Variants in LRRC4C observed in about 807,000 individuals in gnomAD.
LRRC4C encodes leucine-rich repeat-containing protein 4C.
LRRC4C carries 5 observed loss-of-function variants against 33.6 expected under a neutral mutation model. That is an observed-to-expected ratio of 0.15 (90% confidence interval 0.08 to 0.31). The LOEUF (loss-of-function observed/expected upper bound fraction) is 0.31. Among genes scored for constraint, LRRC4C ranks in the 10% least tolerant of loss-of-function variants. The pLI is 1.00. For missense variants in LRRC4C, 560 were observed against 796.7 expected (o/e 0.70, Z 3.58); for synonymous variants, 329 against 302.0 (o/e 1.09, Z -0.93).
intron 2 of LRRC4C, among the ~76,000 whole-genome samples, chr11:40,653,308 G>T (rs1413205591): frequency 6.6e-6 from 1 of 152,182 alleles, no homozygotes; most frequent in Non-Finnish European, 1.5e-5. Flanking sequence ...CTAGACACTT[G>T]TTGAATGACT....
At chr11:41,249,327 C>T (rs1160025761) in intron 1 of LRRC4C, among the ~76,000 whole-genome samples, 1 of 152,150 alleles carries the variant, frequency 6.6e-6, no homozygotes, top group East Asian at 1.9e-4. Context: ...AGCCACCGCG[C>T]CCGGCCAAGA....
intron 1 of LRRC4C, among the ~76,000 whole-genome samples, chr11:41,104,306 G>C (rs1360339779): frequency 2.0e-5 from 3 of 151,802 alleles, no homozygotes; most frequent in East Asian, 1.9e-4. Context: ...CAACAGATTT[G>C]AATATGTATT....
intron 3 of LRRC4C, among the ~76,000 whole-genome samples, chr11:40,588,413 C>G (rs1417286223): frequency 1.3e-5 from 2 of 151,730 alleles, no homozygotes; most frequent in African/African-American, 2.4e-5. Context: ...TTTGTTGATC[C>G]TTTCAAAAAA....
At chr11:41,364,535 C>CA (rs1952467073) in intron 1 of LRRC4C, among the ~76,000 whole-genome samples, 1 of 152,096 alleles carries the variant, frequency 6.6e-6, no homozygotes, top group Non-Finnish European at 1.5e-5. Context: ...CTGGGCCTCC[C>CA]AAAGTGCGAG....
chr11:41,033,629 G>C (rs1236160344), intron 1 of LRRC4C, among the ~76,000 whole-genome samples: 2 of 152,004 alleles, frequency 1.3e-5, no homozygotes, highest in Non-Finnish European at 2.9e-5. Flanking sequence ...CCAATCTGGA[G>C]GCACTTTTGT....
At chr11:40,294,554 C>T (rs368523746) in intron 4 of LRRC4C, among the ~76,000 whole-genome samples, 2 of 152,084 alleles carry the variant, frequency 1.3e-5, no homozygotes, top group Non-Finnish European at 2.9e-5. Context: ...CTTAGCCGGG[C>T]GCGGTGTCTC....
At chr11:40,124,911 T>G (rs929177288) in intron 6 of LRRC4C, among the ~76,000 whole-genome samples, 2 of 152,062 alleles carry the variant, frequency 1.3e-5, no homozygotes, top group African/African-American at 4.8e-5. Flanking sequence ...GTATCTTATG[T>G]ATCCCATAAA....
At chr11:40,381,033 C>A (rs774103477) in intron 3 of LRRC4C, among the ~76,000 whole-genome samples, 8 of 152,146 alleles carry the variant, frequency 5.3e-5, no homozygotes, top group Non-Finnish European at 1.2e-4. Context: ...GTTTCCCTAA[C>A]AACCGCTCAA....
chr11:40,550,339 C>T (rs1278425224), intron 3 of LRRC4C, among the ~76,000 whole-genome samples: 1 of 152,020 alleles, frequency 6.6e-6, no homozygotes, highest in Non-Finnish European at 1.5e-5. Context: ...TGTGTCCTGC[C>T]CCAGAACATT....
At chr11:40,382,683 C>CTTTTTTTTTTTTTTTTTTT (rs1590541837) in intron 3 of LRRC4C, among the ~76,000 whole-genome samples, 2 of 113,300 alleles carry the variant, frequency 1.8e-5, no homozygotes, top group African/African-American at 7.5e-5. Flanking sequence ...AACTTGTACT[C>CTTTTTTTTTTTTTTTTTTT]ATTTTTTTTT....
At chr11:40,976,577 A>T (rs889683178) in intron 1 of LRRC4C, among the ~76,000 whole-genome samples, 1 of 152,214 alleles carries the variant, frequency 6.6e-6, no homozygotes, top group African/African-American at 2.4e-5. Flanking sequence ...AACTAGTGAG[A>T]CCAAAAATAC....
chr11:40,644,223 T>C (rs759515587), intron 3 of LRRC4C, among the ~76,000 whole-genome samples: 2 of 152,170 alleles, frequency 1.3e-5, no homozygotes, highest in Non-Finnish European at 2.9e-5. Flanking sequence ...TGGAAACTAA[T>C]AGCATGGCCG....
chr11:41,249,039 CTTT>C (rs1454339736), intron 1 of LRRC4C, among the ~76,000 whole-genome samples: 1 of 145,026 alleles, frequency 6.9e-6, no homozygotes, highest in Non-Finnish European at 1.5e-5. Flanking sequence ...ATACTGTCTT[CTTT>C]TTTTTTTTTT....
intron 2 of LRRC4C, among the ~76,000 whole-genome samples, chr11:40,663,096 T>A (rs1249699660): frequency 6.6e-6 from 1 of 152,198 alleles, no homozygotes; most frequent in Non-Finnish European, 1.5e-5. Flanking sequence ...TTTATTTATT[T>A]TTGAGACGGA....
intron 1 of LRRC4C, among the ~76,000 whole-genome samples, chr11:40,967,057 A>T (rs181597263): frequency 1.3e-5 from 2 of 152,072 alleles, no homozygotes; most frequent in African/African-American, 4.8e-5. Flanking sequence ...ACATTCAGAC[A>T]TGAAAATAAA....
chr11:41,120,844 G>A (rs539097032), intron 1 of LRRC4C, among the ~76,000 whole-genome samples: 1 of 152,248 alleles, frequency 6.6e-6, no homozygotes, highest in South Asian at 2.1e-4. Flanking sequence ...TATTGACAGT[G>A]AGTGAGTTAT....
intron 3 of LRRC4C, among the ~76,000 whole-genome samples, chr11:40,622,299 C>A (rs1331930402): frequency 6.6e-6 from 1 of 151,782 alleles, no homozygotes; most frequent in African/African-American, 2.4e-5. Context: ...GCAAATAAAA[C>A]AGAATTAATA....
chr11:40,488,782 G>A (rs1954001895), intron 3 of LRRC4C, among the ~76,000 whole-genome samples: 1 of 152,012 alleles, frequency 6.6e-6, no homozygotes, highest in African/African-American at 2.4e-5. Flanking sequence ...TCTTTAACTA[G>A]AGCTTTCTAT....
chr11:41,158,535 C>G (rs148884830), intron 1 of LRRC4C, among the ~76,000 whole-genome samples: 2 of 151,996 alleles, frequency 1.3e-5, no homozygotes, highest in Non-Finnish European at 2.9e-5. Flanking sequence ...ACTCAGCCAC[C>G]GCTCCTTCTT....
Sources: gnomAD v4.1 joint callset for allele counts (sites outside exome capture counted in the v4.1 genomes callset) on GRCh38, gnomAD v4.1.1 for gene constraint, MANE v1.5 for transcripts, NCBI Gene and HGNC (gene_info 2026-07-23, HGNC 2026-07-21) for gene names.